The following CATSPERB variants were observed in gnomAD, a reference collection of about 807,000 sequenced individuals.
CATSPERB encodes the protein cation channel sperm-associated auxiliary subunit beta.
Under a neutral mutation model 128.3 loss-of-function variants are expected in CATSPERB, and 93 were observed. That is an observed-to-expected ratio of 0.72 (90% CI 0.61 to 0.86). The LOEUF (loss-of-function observed/expected upper bound fraction) is 0.86, where lower values mean the gene tolerates loss of function less well. CATSPERB is among the 40% of genes least tolerant of loss of function. The pLI, the probability that CATSPERB is intolerant of heterozygous loss-of-function variation, is 0.00. For missense variants in CATSPERB, 1,153 were observed against 1,329.5 expected, an observed-to-expected ratio of 0.87 and a Z score of 2.06; for synonymous variants, 381 against 448.8, an observed-to-expected ratio of 0.85 and a Z score of 1.91.
At chr14:91,719,544 G>C in intron 4 of CATSPERB, 66 bp from the exon 5 acceptor site, 1 of 1,225,598 alleles carries the variant, frequency 8.2e-7, no homozygotes. Context: ...CACATTCTAT[G>C]CTATATTTTT....
intron 3 of CATSPERB, among the ~76,000 whole-genome samples, chr14:91,724,512 T>G (rs1031118932): frequency 5.9e-5 from 9 of 152,194 alleles, no homozygotes; most frequent in African/African-American, 1.9e-4. Context: ...TTCTTTGTTT[T>G]TATTATATAT....
chr14:91,631,744 T>C (rs1399952463), intron 17 of CATSPERB, among the ~76,000 whole-genome samples: 5 of 152,126 alleles, frequency 3.3e-5, no homozygotes, highest in Non-Finnish European at 7.4e-5. Context: ...GAAACTGTAA[T>C]ATTTCTTCTG....
chr14:91,702,462 G>A (rs973912752), intron 7 of CATSPERB, among the ~76,000 whole-genome samples: 2 of 151,662 alleles, frequency 1.3e-5, no homozygotes, highest in African/African-American at 4.8e-5. Context: ...AAGCCATTAG[G>A]AAGTCAAAGA....
At chr14:91,719,067 T>A (rs924534628) in intron 5 of CATSPERB, among the ~76,000 whole-genome samples, 26 of 152,314 alleles carry the variant, frequency 1.7e-4, no homozygotes, top group African/African-American at 5.8e-4. Context: ...ATTTATAGCT[T>A]ATAACATATT....
chr14:91,702,771 T>C (rs1174945440), intron 7 of CATSPERB, among the ~76,000 whole-genome samples: 3 of 151,946 alleles, frequency 2.0e-5, no homozygotes, highest in Admixed American at 1.3e-4. Flanking sequence ...TAATACATTT[T>C]ATTTGTAATA....
At position 91,610,643 on chromosome 14, in the gene CATSPERB, G is replaced by T; in HGVS notation, c.2435C>A (p.Ala812Asp). 1 of 1,612,098 alleles carries T rather than the reference G, an allele frequency of 6.2e-7. No individual in the cohort carries two copies. Among genetic ancestry groups the T allele is most frequent in the Admixed American group, 1.7e-5 (1 of 59,898 alleles). Residue 812 changes from alanine to aspartate, a missense_variant, in exon 21 of 27, where the codon GCC becomes GAC. Transcript: ENST00000256343. ...TGTCGTAACAAAGCACTCAGTAGAGGCTGACCACATAATAAATGCCAGTGA... is the reference window on the plus strand; with the variant it reads ...TGTCGTAACAAAGCACTCAGTAGAGTCTGACCACATAATAAATGCCAGTGA... ...STSLAFIMWS[A>D]STECFVTTMV...
intron 14 of CATSPERB, among the ~76,000 whole-genome samples, chr14:91,663,195 C>T (rs757342645): frequency 2.4e-4 from 36 of 151,582 alleles, no homozygotes; most frequent in Non-Finnish European, 4.9e-4. Flanking sequence ...ATTCGGGGAC[C>T]TAACCAAATA....
intron 15 of CATSPERB, among the ~76,000 whole-genome samples, chr14:91,659,240 A>T (rs935258880): frequency 6.6e-6 from 1 of 152,204 alleles, no homozygotes; most frequent in Non-Finnish European, 1.5e-5. Context: ...TGATCTGATC[A>T]CTCTACATTA....
In CATSPERB at chr14:91,688,708, T is replaced by C. The variant is rs74085147; in HGVS notation, c.864+2815A>G. 9.6e-3 allele frequency among the ~76,000 whole-genome samples: 1,467 copies of C among 152,246 alleles called. 22 individuals carry two copies. Among genetic ancestry groups the C allele is most frequent in the African/African-American group, 0.033 (1,377 of 41,536 alleles). ...ATTTAAACAGTGGCCATTCTATCTT[T>C]CAATTTTTTCCATTTTTAATGGAAA... On this transcript the variant is annotated intron_variant, in intron 10 of 26. Coordinates refer to ENST00000256343, the MANE Select transcript of CATSPERB (RefSeq NM_024764.4).
chr14:91,665,850 C>T (rs1330228154), intron 14 of CATSPERB, among the ~76,000 whole-genome samples: 1 of 152,084 alleles, frequency 6.6e-6, no homozygotes, highest in Admixed American at 6.5e-5. Context: ...GTCTCAAAAA[C>T]AAACTAACAA....
In CATSPERB at chr14:91,580,995, C is replaced by G; in HGVS notation, c.3245G>C (p.Gly1082Ala). The change falls in exon 27 of 27, where the codon GGC (glycine) becomes GCC (alanine). Residue 1082 changes from glycine to alanine, a missense_variant. Coordinates refer to ENST00000256343, the MANE Select transcript of CATSPERB (RefSeq NM_024764.4). ...IFIAFMFQLQ[G>A]IHPWRTFQRW... Reference sequence around the variant, plus strand: ...TTGGAATGTCCTCCACGGATGGATGCCTTGCAGTTGAAACATAAATGCTAT... The same window carrying G: ...TTGGAATGTCCTCCACGGATGGATGGCTTGCAGTTGAAACATAAATGCTAT... The G allele has an allele frequency of 1.9e-6, 3 of 1,614,132 alleles. No individual in the cohort carries two copies. The highest frequency in any genetic ancestry group is 2.5e-6 in the Non-Finnish European group (3 of 1,179,980).
At chr14:91,683,991 T>A (rs779439625) in intron 10 of CATSPERB, 48 bp from the exon 11 acceptor site, 7 of 1,320,038 alleles carry the variant, frequency 5.3e-6, no homozygotes, top group Non-Finnish European at 7.4e-6. Context: ...AGACTTAAGA[T>A]ATCTTAAGAT....
intron 22 of CATSPERB, among the ~76,000 whole-genome samples, chr14:91,607,110 T>C (rs1017561587): frequency 1.4e-5 from 2 of 146,642 alleles, no homozygotes; most frequent in African/African-American, 2.5e-5. Flanking sequence ...GGTGAATGTG[T>C]ATTAATATGT....
intron 17 of CATSPERB, among the ~76,000 whole-genome samples, chr14:91,635,159 G>A (rs1437031948): frequency 6.6e-6 from 1 of 151,978 alleles, no homozygotes; most frequent in Non-Finnish European, 1.5e-5. Flanking sequence ...TTCCATTCAT[G>A]AGGGCAGAGT....
rs773625043 is a variant in CATSPERB, at chr14:91,591,896, T to C, written c.2816A>G (p.Glu939Gly). 6 of 1,607,852 alleles carry C rather than the reference T, an allele frequency of 3.7e-6. No individual in the cohort carries two copies. Among genetic ancestry groups the C allele is most frequent in the Non-Finnish European group, 4.3e-6 (5 of 1,174,350 alleles). Reference sequence around the variant, plus strand: ...GGTAATTAGAAATGATCTTACTTTTTCCCTGCAATCCGAGAAAGCAACAGC... The same window carrying C: ...GGTAATTAGAAATGATCTTACTTTTCCCCTGCAATCCGAGAAAGCAACAGC... ...SHAVAFSDCR[E>G]KVPRFKFPIT... The change falls in exon 23 of 27, where the codon GAA (glutamate) becomes GGA (glycine). Residue 939 changes from glutamate to glycine, a missense_variant. Physicochemically the swap from Glu to Gly is moderately conservative, Grantham distance 98 (BLOSUM62 -2). Transcript: ENST00000256343.
rs145793831 is a variant in CATSPERB, at chr14:91,603,980, G to A, written c.2709+4314C>T. Reference sequence around the variant, plus strand: ...AACTTCATCTATTTTTTTTTTTTTTGTCTCTCTCTCCCTCCCTCCCTCCCT... The same window carrying A: ...AACTTCATCTATTTTTTTTTTTTTTATCTCTCTCTCCCTCCCTCCCTCCCT... On this transcript the variant is annotated intron_variant, in intron 22 of 26. Transcript: ENST00000256343. Among the ~76,000 whole-genome samples the A allele has an allele frequency of 4.3e-5, 4 of 92,368 alleles. 1 individual carries two copies. In the South Asian group the frequency reaches 1.3e-3, roughly 31 times the overall value. 60.6% of individuals were successfully genotyped at this position (92,368 alleles called of 152,430 possible). A position where few individuals can be genotyped will look rare whatever the true frequency, so the allele number is the denominator to read the frequency against.
chr14:91,618,033 T>C (rs943676601), intron 19 of CATSPERB, among the ~76,000 whole-genome samples: 3 of 152,230 alleles, frequency 2.0e-5, no homozygotes, highest in Admixed American at 1.3e-4. Flanking sequence ...AATAAAAGAA[T>C]GGCTACTCCA....
intron 17 of CATSPERB, among the ~76,000 whole-genome samples, chr14:91,633,355 A>T (rs574164537): frequency 6.6e-5 from 10 of 152,314 alleles, no homozygotes; most frequent in Admixed American, 3.9e-4. Flanking sequence ...AGTAAGTTTC[A>T]AACAATTTCA....
At chr14:91,674,575 G>A (rs1285652) in intron 11 of CATSPERB, among the ~76,000 whole-genome samples, 44,356 of 151,766 alleles carry the variant, frequency 0.29, 6,779 homozygotes, top group Non-Finnish European at 0.32. Flanking sequence ...TAGATTCAAA[G>A]TGCATTTTAA....
Sources: gnomAD v4.1 joint callset for allele counts (sites outside exome capture counted in the v4.1 genomes callset) on GRCh38, gnomAD v4.1.1 for gene constraint, MANE v1.5 for transcripts, NCBI Gene and HGNC (gene_info 2026-07-23, HGNC 2026-07-21) for gene names.